UROS: variants seen among roughly 807,000 people sequenced by gnomAD.
UROS encodes the protein uroporphyrinogen III synthase.
UROS carries 18 observed loss-of-function variants against 33.0 expected under a neutral mutation model. That is an observed-to-expected ratio of 0.55 (90% CI 0.38 to 0.81). The LOEUF (loss-of-function observed/expected upper bound fraction) is 0.81, where lower values mean the gene tolerates loss of function less well. Among genes scored for constraint, UROS ranks in the 30% least tolerant of loss-of-function variants. The probability of loss-of-function intolerance (pLI) is 0.00; values close to 1 mark genes in which losing one functional copy is unlikely to be tolerated. For synonymous variants in UROS, 114 were observed against 121.1 expected (o/e 0.94, Z 0.38); for missense variants, 293 against 314.9 (o/e 0.93, Z 0.53).
intron 6 of UROS, among the ~76,000 whole-genome samples, chr10:125,799,967 G>A (rs987039534): frequency 3.9e-5 from 6 of 152,188 alleles, no homozygotes; most frequent in African/African-American, 1.2e-4. Flanking sequence ...GGCTGACACA[G>A]AGATAGTGAA....
chr10:125,799,399 C>CTT (rs889652125), intron 6 of UROS, among the ~76,000 whole-genome samples: 5 of 152,176 alleles, frequency 3.3e-5, no homozygotes, highest in African/African-American at 1.2e-4. Flanking sequence ...TTCTGTGTGT[C>CTT]TATGTGTGTG....
chr10:125,802,610 A>C, intron 6 of UROS: 7 of 1,049,316 alleles, frequency 6.7e-6, no homozygotes, highest in Non-Finnish European at 8.0e-6. Flanking sequence ...CGTCTTTACT[A>C]GCAGCAAATG....
intron 5 of UROS, among the ~76,000 whole-genome samples, chr10:125,807,909 C>T (rs1564793452): frequency 6.6e-6 from 1 of 152,204 alleles, no homozygotes; most frequent in East Asian, 1.9e-4. Context: ...ATCGGCATTA[C>T]AGAGCCTTCA....
In UROS at chr10:125,788,903, T is replaced by C; in HGVS notation, c.763A>G (p.Ile255Val). ...CCATGGGGCTGGAGAGCCTTCCTGA[T>C]GCCAGTGGCCAGGGCTTGTGGCGTG... ...SPTPQALATGIRKALQPHGCC is the reference protein window; with the variant it reads ...SPTPQALATGVRKALQPHGCC Residue 255 changes from isoleucine (I) to valine (V), a missense_variant, in exon 10 of 10, where the codon ATC becomes GTC. Coordinates refer to ENST00000368797, the MANE Select transcript of UROS (RefSeq NM_000375.3). The C allele has an allele frequency of 3.7e-6, 6 of 1,604,496 alleles. No homozygotes were observed. The South Asian group carries it at 6.7e-5, about 18-fold the overall frequency.
intron 6 of UROS, chr10:125,802,723 C>T: frequency 7.2e-7 from 1 of 1,382,222 alleles, no homozygotes; most frequent in South Asian, 1.6e-5. Context: ...GAAAGCCTAG[C>T]AGTATCTCTT....
chr10:125,792,740 G>T (rs1851039034), intron 9 of UROS: 1 of 152,284 alleles, frequency 6.6e-6, no homozygotes, highest in Non-Finnish European at 1.5e-5. Context: ...GCCCTACAGG[G>T]ACTCCTGGGG....
At chr10:125,819,906 T>A (rs1394675521) in intron 1 of UROS, 8 of 152,182 alleles carry the variant, frequency 5.3e-5, no homozygotes, top group African/African-American at 1.4e-4. Context: ...GTCTCTAGAT[T>A]TACAGTCTAA....
At chr10:125,790,456 T>C (rs1017225062) in intron 9 of UROS, among the ~76,000 whole-genome samples, 4 of 151,970 alleles carry the variant, frequency 2.6e-5, no homozygotes, top group Non-Finnish European at 5.9e-5. Flanking sequence ...ATCAAAAAAG[T>C]AAAAAGACAA....
chr10:125,794,266 T>C, intron 9 of UROS: 2 of 897,466 alleles, frequency 2.2e-6, no homozygotes, highest in Non-Finnish European at 2.7e-6. Context: ...GATGCACCTG[T>C]GAGAAGGCAG....
chr10:125,809,177 T>C (rs1015956384), intron 5 of UROS, among the ~76,000 whole-genome samples: 1 of 152,082 alleles, frequency 6.6e-6, no homozygotes, highest in East Asian at 1.9e-4. Flanking sequence ...TTCTGTGTTA[T>C]GAATTCCAAG....
rs76118223 is a variant in UROS at position 125,821,126 on chromosome 10, C to T, written c.-27+1903G>A. On this transcript the variant is annotated intron_variant, in intron 1 of 9. Transcript: ENST00000368797. Reference sequence around the variant, plus strand: ...AGAATTACCATATGATCTAGCAATTCCCCTGCTACATATATACCCCAAAGA... The same window carrying T: ...AGAATTACCATATGATCTAGCAATTTCCCTGCTACATATATACCCCAAAGA... Among the ~76,000 whole-genome samples the T allele has an allele frequency of 6.0e-3, 916 of 152,302 alleles. 11 individuals carry two copies. The highest frequency in any genetic ancestry group is 0.021 in the African/African-American group (870 of 41,558).
At chr10:125,806,367 C>T (rs1852335226) in intron 6 of UROS, among the ~76,000 whole-genome samples, 1 of 152,216 alleles carries the variant, frequency 6.6e-6, no homozygotes, top group Non-Finnish European at 1.5e-5. Context: ...AGGGCCAAGG[C>T]ATATACCCCT....
At chr10:125,821,911 A>T (rs2133983622) in intron 1 of UROS, among the ~76,000 whole-genome samples, 1 of 152,106 alleles carries the variant, frequency 6.6e-6, no homozygotes, top group South Asian at 2.1e-4. Context: ...TAGACAAGAG[A>T]CTCCCAGGAA....
At chr10:125,800,979 G>A (rs1002496757) in intron 6 of UROS, among the ~76,000 whole-genome samples, 1 of 152,146 alleles carries the variant, frequency 6.6e-6, no homozygotes, top group African/African-American at 2.4e-5. Context: ...CTGAATTAAG[G>A]AGCAAAAAGT....
intron 1 of UROS, among the ~76,000 whole-genome samples, chr10:125,821,605 A>G (rs979620785): frequency 3.9e-5 from 6 of 152,244 alleles, no homozygotes; most frequent in African/African-American, 1.4e-4. Flanking sequence ...AAAATAGTTA[A>G]GATGGTAAAA....
chr10:125,815,138 C>T lies in UROS; in HGVS notation c.148-8G>A, dbSNP rs754942181. ...ATCTTCAGGATGAGAAAGCTGCACA[C>T]CAAAAAGCAATAAAGACATTTTATA... On this transcript the variant is annotated splice_polypyrimidine_tract_variant and splice_region_variant and intron_variant, in intron 3 of 9. Coordinates refer to ENST00000368797, the MANE Select transcript of UROS (RefSeq NM_000375.3). The T allele has an allele frequency of 1.9e-5, 31 of 1,613,874 alleles. 1 individual carries two copies. The South Asian group carries it at 2.4e-4, about 13-fold the overall frequency.
chr10:125,802,939 C>T, intron 6 of UROS: 1 of 1,612,474 alleles, frequency 6.2e-7, no homozygotes, highest in East Asian at 2.2e-5. Context: ...CGGCTAAACC[C>T]CAGATATTAC....
chr10:125,796,835 G>A, intron 7 of UROS: 3 of 985,418 alleles, frequency 3.0e-6, no homozygotes, highest in Non-Finnish European at 3.6e-6. Context: ...CCAGATGGTA[G>A]GTGAAAAGTA....
chr10:125,791,115 C>T (rs1440782883), intron 9 of UROS, among the ~76,000 whole-genome samples: 1 of 151,326 alleles, frequency 6.6e-6, no homozygotes, highest in Non-Finnish European at 1.5e-5. Flanking sequence ...AAATTGTATT[C>T]AGAATAAGGA....
Sources: gnomAD v4.1 joint callset for allele counts (sites outside exome capture counted in the v4.1 genomes callset) on GRCh38, gnomAD v4.1.1 for gene constraint, MANE v1.5 for transcripts, NCBI Gene and HGNC (gene_info 2026-07-23, HGNC 2026-07-21) for gene names.